CCDC148: variants seen among roughly 807,000 people sequenced by gnomAD.
The protein encoded by CCDC148 is coiled-coil domain containing 148.
In CCDC148, 89 loss-of-function variants were observed where a neutral mutation model predicts 85.7. The observed-to-expected ratio is 1.04, with a 90% confidence interval of 0.87 to 1.24. The LOEUF (loss-of-function observed/expected upper bound fraction) is 1.24. Ranked by LOEUF, CCDC148 falls within the 50% of genes most tolerant of loss-of-function variation. The pLI, the probability that CCDC148 is intolerant of heterozygous loss-of-function variation, is 0.00. For synonymous variants in CCDC148, 230 were observed against 213.9 expected (o/e 1.08, Z -0.66); for missense variants, 692 against 671.7 (o/e 1.03, Z -0.33).
chr2:158,258,605 C>T (rs1169148624), intron 9 of CCDC148, among the ~76,000 whole-genome samples: 1 of 151,774 alleles, frequency 6.6e-6, no homozygotes, highest in Non-Finnish European at 1.5e-5. Context: ...CAGGAATCAT[C>T]CTAACACTGC....
intron 10 of CCDC148, among the ~76,000 whole-genome samples, chr2:158,234,590 G>T (rs973571138): frequency 5.9e-5 from 9 of 152,176 alleles, no homozygotes; most frequent in African/African-American, 2.2e-4. Context: ...AAGATTTATA[G>T]GCAGAAATGT....
intron 9 of CCDC148, among the ~76,000 whole-genome samples, chr2:158,307,078 TA>T (rs755712228): frequency 5.3e-5 from 8 of 150,390 alleles, no homozygotes; most frequent in Admixed American, 2.6e-4. Context: ...CATTTAAAAA[TA>T]AAAAAAAGTA....
At chr2:158,178,528 G>A (rs558139297) in intron 12 of CCDC148, among the ~76,000 whole-genome samples, 73 of 152,228 alleles carry the variant, frequency 4.8e-4, no homozygotes, top group South Asian at 3.7e-3. Flanking sequence ...TATCTTGCTC[G>A]AACTCCACCA....
At chr2:158,254,188 T>C (rs901068008) in intron 9 of CCDC148, among the ~76,000 whole-genome samples, 1 of 151,730 alleles carries the variant, frequency 6.6e-6, no homozygotes, top group African/African-American at 2.4e-5. Flanking sequence ...GAAAAGAAAT[T>C]ATGAGATAAT....
At chr2:158,254,155 T>C (rs939969643) in intron 9 of CCDC148, among the ~76,000 whole-genome samples, 1 of 151,728 alleles carries the variant, frequency 6.6e-6, no homozygotes, top group Non-Finnish European at 1.5e-5. Flanking sequence ...TATATTTGGA[T>C]TCTGATGTAA....
chr2:158,407,041 G>A (rs1686058350), intron 1 of CCDC148, among the ~76,000 whole-genome samples: 2 of 151,356 alleles, frequency 1.3e-5, no homozygotes, highest in Non-Finnish European at 2.9e-5. Flanking sequence ...CCCTCTACTC[G>A]CATTTCTTCC....
chr2:158,381,996 T>C (rs1684891916), intron 1 of CCDC148, among the ~76,000 whole-genome samples: 1 of 152,184 alleles, frequency 6.6e-6, no homozygotes, highest in African/African-American at 2.4e-5. Context: ...TAGGAAGTTA[T>C]TAAGTCATGA....
intron 12 of CCDC148, 76 bp from the exon 13 acceptor site, chr2:158,176,737 T>G: frequency 1.3e-6 from 2 of 1,527,450 alleles, no homozygotes; most frequent in Non-Finnish European, 1.8e-6. Flanking sequence ...TGATGTCTAA[T>G]GCCCATTAAA....
At chr2:158,334,733 TTC>T (rs1200657757) in intron 7 of CCDC148, among the ~76,000 whole-genome samples, 2 of 152,040 alleles carry the variant, frequency 1.3e-5, no homozygotes, top group Non-Finnish European at 2.9e-5. Context: ...TCTGCTTTAT[TTC>T]TGTTTTGTTC....
intron 7 of CCDC148, among the ~76,000 whole-genome samples, chr2:158,317,228 T>C (rs1364733302): frequency 6.6e-6 from 1 of 152,212 alleles, no homozygotes; most frequent in Non-Finnish European, 1.5e-5. Flanking sequence ...AGACAAAAAA[T>C]CTTTAGCAGT....
At chr2:158,426,217 T>G (rs1272496676) in intron 1 of CCDC148, among the ~76,000 whole-genome samples, 10 of 151,926 alleles carry the variant, frequency 6.6e-5, no homozygotes, top group Admixed American at 6.6e-4. Context: ...AAAGTTCAAT[T>G]AAAATTTGAA....
intron 9 of CCDC148, among the ~76,000 whole-genome samples, chr2:158,255,044 A>C (rs1688954803): frequency 6.6e-6 from 1 of 151,532 alleles, no homozygotes; most frequent in Admixed American, 6.6e-5. Context: ...TACACACCAG[A>C]AAATCCTGAA....
chr2:158,268,482 A>G (rs1457140352), intron 9 of CCDC148, among the ~76,000 whole-genome samples: 2 of 152,186 alleles, frequency 1.3e-5, no homozygotes, highest in African/African-American at 2.4e-5. Flanking sequence ...AAACAAAATT[A>G]TATTAAGGTA....
intron 3 of CCDC148, 45 bp from the exon 4 acceptor site, chr2:158,340,725 C>T (rs1170744911): frequency 1.1e-5 from 13 of 1,136,372 alleles, no homozygotes; most frequent in Non-Finnish European, 1.5e-5. Flanking sequence ...CATAAACATA[C>T]ATCTAGGTTT....
intron 11 of CCDC148, among the ~76,000 whole-genome samples, chr2:158,210,933 T>C (rs1316526394): frequency 2.3e-5 from 3 of 131,286 alleles, no homozygotes; most frequent in African/African-American, 8.9e-5. Context: ...CACTCCAGCC[T>C]GGGCGACAGA....
At chr2:158,339,353 T>C (rs1214369802) in intron 5 of CCDC148, among the ~76,000 whole-genome samples, 1 of 152,182 alleles carries the variant, frequency 6.6e-6, no homozygotes, top group East Asian at 1.9e-4. Context: ...TCTGTGGTAA[T>C]GCAGAGAACT....
At chr2:158,290,115 G>A (rs1053801183) in intron 9 of CCDC148, among the ~76,000 whole-genome samples, 2 of 152,198 alleles carry the variant, frequency 1.3e-5, no homozygotes, top group African/African-American at 4.8e-5. Flanking sequence ...TGGGAGACAT[G>A]TGAGATGCAG....
intron 10 of CCDC148, among the ~76,000 whole-genome samples, chr2:158,233,523 G>A (rs777057803): frequency 1.3e-5 from 2 of 150,548 alleles, no homozygotes; most frequent in Admixed American, 1.3e-4. Context: ...AGAGATACAA[G>A]GTATACATTT....
At chr2:158,338,652 A>G in intron 7 of CCDC148, 74 bp downstream of exon 7, 1 of 1,015,506 alleles carries the variant, frequency 9.8e-7, no homozygotes, top group Non-Finnish European at 1.5e-6. Flanking sequence ...AGTAAGTTGG[A>G]AGTATAGTGA....
Sources: gnomAD v4.1 joint callset for allele counts (sites outside exome capture counted in the v4.1 genomes callset) on GRCh38, gnomAD v4.1.1 for gene constraint, MANE v1.5 for transcripts, NCBI Gene and HGNC (gene_info 2026-07-23, HGNC 2026-07-21) for gene names.